The following CDH18 variants were observed in gnomAD, a reference collection of about 807,000 sequenced individuals.
The protein encoded by CDH18 is cadherin-18.
Under a neutral mutation model 67.9 loss-of-function variants are expected in CDH18, and 31 were observed. The observed-to-expected ratio is 0.46, with a 90% CI of 0.34 to 0.62. CDH18 has a LOEUF of 0.62. Among genes scored for constraint, CDH18 ranks in the 20% least tolerant of loss-of-function variants. CDH18 has a pLI of 0.01. For missense variants in CDH18, 890 were observed against 975.5 expected (o/e 0.91, Z 1.17); for synonymous variants, 362 against 347.2 (o/e 1.04, Z -0.48).
intron 2 of CDH18, among the ~76,000 whole-genome samples, chr5:20,206,937 A>G (rs1739942312): frequency 6.6e-6 from 1 of 152,076 alleles, no homozygotes; most frequent in Non-Finnish European, 1.5e-5. Context: ...AAGATCTGAA[A>G]CAAGGATGCC....
chr5:20,130,669 T>C (rs989207781), intron 2 of CDH18, among the ~76,000 whole-genome samples: 2 of 152,040 alleles, frequency 1.3e-5, no homozygotes, highest in Non-Finnish European at 2.9e-5. Flanking sequence ...GGCAGGCCTA[T>C]GATAAGAGAT....
chr5:20,144,132 G>C (rs1183244380), intron 2 of CDH18, among the ~76,000 whole-genome samples: 1 of 152,074 alleles, frequency 6.6e-6, no homozygotes, highest in Non-Finnish European at 1.5e-5. Flanking sequence ...AAATGACTTT[G>C]AGATCAGAGC....
At chr5:19,798,469 A>G (rs1777083887) in intron 3 of CDH18, among the ~76,000 whole-genome samples, 1 of 152,066 alleles carries the variant, frequency 6.6e-6, no homozygotes. Context: ...AAATACTCAT[A>G]CCTGATAAGC....
rs558118285 is a variant in CDH18 at position 20,015,626 on chromosome 5, A to C, written c.-517-23612T>G. 1.8e-3 allele frequency among the ~76,000 whole-genome samples: 270 copies of C among 152,284 alleles called. 1 individual carries two copies. The highest frequency in any genetic ancestry group is 6.3e-3 in the African/African-American group (260 of 41,572). On this transcript the variant is annotated intron_variant, in intron 2 of 14. Transcript: ENST00000507958. ...TTAATTTTGTCTGAGAATATTCACA[A>C]ATCAGTTACAATTCTGTTATGGAGA...
At chr5:20,292,208 C>A (rs1191111982) in intron 1 of CDH18, among the ~76,000 whole-genome samples, 5 of 152,156 alleles carry the variant, frequency 3.3e-5, no homozygotes, top group Non-Finnish European at 7.3e-5. Context: ...TGTCTGTTAG[C>A]TGTAAGACCG....
intron 5 of CDH18, among the ~76,000 whole-genome samples, chr5:19,701,023 T>A (rs1763177756): frequency 6.6e-6 from 1 of 151,348 alleles, no homozygotes; most frequent in East Asian, 1.9e-4. Context: ...AAAAGACAAA[T>A]AGTAATTGTG....
At chr5:19,880,353 G>A (rs1427039497) in intron 2 of CDH18, among the ~76,000 whole-genome samples, 1 of 152,026 alleles carries the variant, frequency 6.6e-6, no homozygotes, top group African/African-American at 2.4e-5. Flanking sequence ...TACATATACA[G>A]AGGTGAATGC....
At chr5:19,904,458 C>T (rs1790322471) in intron 2 of CDH18, among the ~76,000 whole-genome samples, 5 of 151,514 alleles carry the variant, frequency 3.3e-5, no homozygotes, top group Admixed American at 3.3e-4. Flanking sequence ...GTTGTGAAGA[C>T]TGGGAATTGG....
At chr5:19,803,071 C>T (rs952750923) in intron 3 of CDH18, among the ~76,000 whole-genome samples, 4 of 152,148 alleles carry the variant, frequency 2.6e-5, no homozygotes, top group African/African-American at 9.7e-5. Context: ...TACTCAGAGC[C>T]GGATTCTGTT....
chr5:20,286,365 T>A (rs1746696234), intron 1 of CDH18, among the ~76,000 whole-genome samples: 1 of 151,678 alleles, frequency 6.6e-6, no homozygotes, highest in African/African-American at 2.4e-5. Flanking sequence ...AATAGCTAAA[T>A]AATAACCACT....
At chr5:20,411,181 T>A (rs191971047) in intron 1 of CDH18, among the ~76,000 whole-genome samples, 1 of 151,948 alleles carries the variant, frequency 6.6e-6, no homozygotes, top group Admixed American at 6.6e-5. Context: ...GCTAGAGATA[T>A]CACACATCTT....
intron 7 of CDH18, among the ~76,000 whole-genome samples, chr5:19,572,807 T>C (rs921629811): frequency 6.6e-6 from 1 of 152,106 alleles, no homozygotes; most frequent in African/African-American, 2.4e-5. Context: ...GGAAGAAACA[T>C]CCCTTCAGTT....
chr5:19,865,251 A>G (rs1392963444), intron 2 of CDH18, among the ~76,000 whole-genome samples: 1 of 152,268 alleles, frequency 6.6e-6, no homozygotes, highest in East Asian at 1.9e-4. Flanking sequence ...TAGATGTCAA[A>G]TACCAAGCAT....
At chr5:19,578,800 CT>C (rs200554349) in intron 7 of CDH18, among the ~76,000 whole-genome samples, 7 of 149,654 alleles carry the variant, frequency 4.7e-5, no homozygotes, top group East Asian at 2.0e-4. Context: ...ATTTGTTTGC[CT>C]TTTTTTTTCT....
intron 3 of CDH18, among the ~76,000 whole-genome samples, chr5:19,820,888 T>C (rs1257990013): frequency 6.6e-6 from 1 of 151,834 alleles, no homozygotes; most frequent in Non-Finnish European, 1.5e-5. Context: ...CAATCCATAA[T>C]ACATAACATT....
At chr5:20,340,714 A>G (rs1002481054) in intron 1 of CDH18, among the ~76,000 whole-genome samples, 1 of 152,064 alleles carries the variant, frequency 6.6e-6, no homozygotes, top group African/African-American at 2.4e-5. Flanking sequence ...TGAAGGGAGG[A>G]AGGTGAACTT....
intron 2 of CDH18, among the ~76,000 whole-genome samples, chr5:19,853,763 G>T (rs1451336307): frequency 6.6e-6 from 1 of 152,066 alleles, no homozygotes; most frequent in Non-Finnish European, 1.5e-5. Flanking sequence ...GAGGAGGCAA[G>T]ATTGCACCCA....
chr5:20,220,452 C>A (rs957433471), intron 2 of CDH18, among the ~76,000 whole-genome samples: 1 of 151,888 alleles, frequency 6.6e-6, no homozygotes, highest in East Asian at 1.9e-4. Context: ...AGAGCCCTAT[C>A]ACTCATCATA....
intron 1 of CDH18, among the ~76,000 whole-genome samples, chr5:20,493,947 AG>A (rs1196449965): frequency 1.3e-5 from 2 of 149,718 alleles, no homozygotes; most frequent in African/African-American, 5.0e-5. Flanking sequence ...AAACAAAAAC[AG>A]CAAAAAAAAA....
Sources: gnomAD v4.1 joint callset for allele counts (sites outside exome capture counted in the v4.1 genomes callset) on GRCh38, gnomAD v4.1.1 for gene constraint, MANE v1.5 for transcripts, NCBI Gene and HGNC (gene_info 2026-07-23, HGNC 2026-07-21) for gene names.